Variants in CDKAL1 observed in about 807,000 individuals in gnomAD.
CDKAL1 encodes threonylcarbamoyladenosine tRNA methylthiotransferase.
CDKAL1 carries 32 observed loss-of-function variants against 68.2 expected under a neutral mutation model. That is an observed-to-expected ratio of 0.47 (90% CI 0.35 to 0.63). The LOEUF (loss-of-function observed/expected upper bound fraction) is 0.63, where lower values mean the gene tolerates loss of function less well. CDKAL1 is among the 30% of genes least tolerant of loss of function. The pLI, the probability that CDKAL1 is intolerant of heterozygous loss-of-function variation, is 0.00. For missense variants in CDKAL1, 606 were observed against 696.7 expected (o/e 0.87, Z 1.47); for synonymous variants, 234 against 244.3 (o/e 0.96, Z 0.39).
chr6:20,781,593 A>G (rs1279212861), intron 8 of CDKAL1, among the ~76,000 whole-genome samples: 2 of 152,226 alleles, frequency 1.3e-5, no homozygotes, highest in African/African-American at 2.4e-5. Flanking sequence ...CACTTGTCAT[A>G]TTCGACTGTT....
At chr6:21,193,534 A>G (rs1778344315) in intron 13 of CDKAL1, among the ~76,000 whole-genome samples, 1 of 152,144 alleles carries the variant, frequency 6.6e-6, no homozygotes, top group African/African-American at 2.4e-5. Context: ...CCAACCTCTC[A>G]TTTTTAGATG....
At chr6:20,584,482 C>T (rs557034857) in intron 4 of CDKAL1, among the ~76,000 whole-genome samples, 5 of 152,258 alleles carry the variant, frequency 3.3e-5, no homozygotes, top group Admixed American at 2.0e-4. Context: ...CCTCCTGCCC[C>T]ATCCGTGAGC....
At chr6:20,860,611 A>G (rs9350291) in intron 9 of CDKAL1, among the ~76,000 whole-genome samples, 113,386 of 151,818 alleles carry the variant, frequency 0.75, 42,442 homozygotes, top group Non-Finnish European at 0.76. Flanking sequence ...AGATCACGAG[A>G]TCAAGAGATC....
At chr6:21,103,602 G>A (rs987696357) in intron 12 of CDKAL1, among the ~76,000 whole-genome samples, 1 of 152,050 alleles carries the variant, frequency 6.6e-6, no homozygotes, top group Non-Finnish European at 1.5e-5. Context: ...ACGGCAGCCC[G>A]CAAAAAATGC....
intron 9 of CDKAL1, among the ~76,000 whole-genome samples, chr6:20,881,652 T>C (rs2150562639): frequency 6.6e-6 from 1 of 152,326 alleles, no homozygotes; most frequent in South Asian, 2.1e-4. Context: ...TTTTTCCTCT[T>C]TGAGCGATTC....
intron 7 of CDKAL1, among the ~76,000 whole-genome samples, chr6:20,772,039 G>A (rs1256214414): frequency 6.6e-6 from 1 of 152,156 alleles, no homozygotes; most frequent in Non-Finnish European, 1.5e-5. Context: ...TGGCTTACAA[G>A]TTCCTTATGT....
At chr6:20,709,431 G>T (rs1297693733) in intron 5 of CDKAL1, among the ~76,000 whole-genome samples, 1 of 151,804 alleles carries the variant, frequency 6.6e-6, no homozygotes, top group African/African-American at 2.4e-5. Context: ...TTCAATTTTG[G>T]ATTTTCCAAT....
intron 9 of CDKAL1, among the ~76,000 whole-genome samples, chr6:20,910,116 C>T (rs893494750): frequency 1.3e-5 from 2 of 152,148 alleles, no homozygotes; most frequent in Non-Finnish European, 2.9e-5. Context: ...CTAACTGTTC[C>T]TTGTCCTCAT....
chr6:20,946,581 C>G (rs1434230176), intron 9 of CDKAL1, among the ~76,000 whole-genome samples: 1 of 149,794 alleles, frequency 6.7e-6, no homozygotes, highest in Non-Finnish European at 1.5e-5. Flanking sequence ...AATCCAGTAC[C>G]ACAATCCATA....
At chr6:20,538,183 C>T (rs567708980) in intron 2 of CDKAL1, among the ~76,000 whole-genome samples, 1 of 150,708 alleles carries the variant, frequency 6.6e-6, no homozygotes, top group Non-Finnish European at 1.5e-5. Flanking sequence ...TGAAAAATAA[C>T]TTATTGTTTC....
chr6:20,561,353 A>G (rs1201826593), intron 4 of CDKAL1, among the ~76,000 whole-genome samples: 1 of 150,608 alleles, frequency 6.6e-6, no homozygotes, highest in Non-Finnish European at 1.5e-5. Flanking sequence ...GAGGCATGAG[A>G]ATCGCTTGAA....
At position 21,001,616 on chromosome 6, in the gene CDKAL1, C is replaced by G. The variant is rs1767432163; in HGVS notation, c.1055+1244C>G. On this transcript the variant is annotated intron_variant, in intron 11 of 15. Transcript: ENST00000274695. ...TGGAAAATGGAAAATAGATCTCTACCCTTTTTAATACTTTCAAATCTTGAA... is the reference window on the plus strand; with the variant it reads ...TGGAAAATGGAAAATAGATCTCTACGCTTTTTAATACTTTCAAATCTTGAA... 3.9e-5 allele frequency among the ~76,000 whole-genome samples: 6 copies of G among 152,134 alleles called. No homozygotes were observed. The South Asian group carries it at 1.2e-3, about 32-fold the overall frequency.
chr6:20,549,535 G>A (rs1763732034), intron 4 of CDKAL1, among the ~76,000 whole-genome samples: 1 of 151,668 alleles, frequency 6.6e-6, no homozygotes. Flanking sequence ...TTACTGTGGT[G>A]TTTACTTAAT....
chr6:20,772,857 C>T (rs146802761), intron 7 of CDKAL1: 1 of 152,248 alleles, frequency 6.6e-6, no homozygotes, highest in East Asian at 1.9e-4. Context: ...CCCCAGTCCA[C>T]CAGGTAAGGT....
chr6:20,783,282 T>C (rs1307340770), intron 8 of CDKAL1, among the ~76,000 whole-genome samples: 1 of 152,156 alleles, frequency 6.6e-6, no homozygotes, highest in Non-Finnish European at 1.5e-5. Flanking sequence ...GCTAGACACA[T>C]GCCTTTAAAA....
intron 13 of CDKAL1, among the ~76,000 whole-genome samples, chr6:21,164,422 G>A (rs745360678): frequency 3.3e-5 from 5 of 151,862 alleles, no homozygotes; most frequent in Non-Finnish European, 5.9e-5. Context: ...TCACTGCCAT[G>A]CCTCATACCC....
rs1463085338 is a variant in CDKAL1 at position 20,758,588 on chromosome 6, T to C, written c.469-7T>C. The stretch of plus-strand genomic sequence containing the variant: ...TTACTTGTGTAATCGTTTTTTTTTT[T>C]TTCCAGGTTCAGCAGATAGATCGTG... On this transcript the variant is annotated splice_region_variant and splice_polypyrimidine_tract_variant and intron_variant, in intron 6 of 15. Transcript: ENST00000274695. 1 of 1,597,794 alleles carries C rather than the reference T, an allele frequency of 6.3e-7. No homozygotes were observed. The highest frequency in any genetic ancestry group is 8.5e-7 in the Non-Finnish European group (1 of 1,175,534).
At chr6:21,065,622 A>AT in intron 12 of CDKAL1, among the ~76,000 whole-genome samples, 1 of 148,718 alleles carries the variant, frequency 6.7e-6, no homozygotes, top group Non-Finnish European at 1.5e-5. Flanking sequence ...ATTGATTGGG[A>AT]TCCCCCTAGT....
intron 5 of CDKAL1, among the ~76,000 whole-genome samples, chr6:20,649,796 C>A (rs1022964460): frequency 6.6e-6 from 1 of 152,280 alleles, no homozygotes; most frequent in South Asian, 2.1e-4. Context: ...TCAGCTCCCA[C>A]TTGTAAGTGA....
Sources: gnomAD v4.1 joint callset for allele counts (sites outside exome capture counted in the v4.1 genomes callset) on GRCh38, gnomAD v4.1.1 for gene constraint, MANE v1.5 for transcripts, NCBI Gene and HGNC (gene_info 2026-07-23, HGNC 2026-07-21) for gene names.